IMPA2: variants seen among roughly 807,000 people sequenced by gnomAD.
The protein encoded by IMPA2 is inositol monophosphatase 2.
In IMPA2, 32 loss-of-function variants were observed where a neutral mutation model predicts 35.1. The ratio of observed to expected loss-of-function variants is 0.91; its 90% CI spans 0.69 to 1.23. The LOEUF is 1.23. Ranked by LOEUF, IMPA2 falls within the 50% of genes most tolerant of loss-of-function variation. The pLI is 0.00. For missense variants in IMPA2, 334 were observed against 387.6 expected (o/e 0.86, Z 1.16); for synonymous variants, 135 against 160.6 (o/e 0.84, Z 1.20).
chr18:12,013,882 A>G (rs972414076), intron 4 of IMPA2, among the ~76,000 whole-genome samples: 1 of 152,110 alleles, frequency 6.6e-6, no homozygotes, highest in Non-Finnish European at 1.5e-5. Context: ...AGCAATTTTG[A>G]GGATTTCTTG....
rs112286332 is a variant in IMPA2 at position 11,992,817 on chromosome 18, G to T, written c.97-6237G>T. Reference sequence around the variant, plus strand: ...GGGACCTTACCTGGCAACCCCATGTGCTCCCTCGCCCTGTGGACGTGATCC... The same window carrying T: ...GGGACCTTACCTGGCAACCCCATGTTCTCCCTCGCCCTGTGGACGTGATCC... On this transcript the variant is annotated intron_variant, in intron 1 of 7. Transcript: ENST00000269159. Among the ~76,000 whole-genome samples the T allele has an allele frequency of 2.5e-3, 383 of 152,274 alleles. 1 individual carries two copies. Among genetic ancestry groups the T allele is most frequent in the African/African-American group, 8.9e-3 (369 of 41,550 alleles).
At chr18:12,015,297 C>T (rs1907547550) in intron 5 of IMPA2, among the ~76,000 whole-genome samples, 1 of 152,230 alleles carries the variant, frequency 6.6e-6, no homozygotes, top group South Asian at 2.1e-4. Flanking sequence ...CCTGCCGCCT[C>T]CCCTCTTGAC....
chr18:12,026,649 A>G lies in IMPA2; in HGVS notation c.491-1394A>G, dbSNP rs1598706842. Among the ~76,000 whole-genome samples the G allele has an allele frequency of 2.6e-5, 4 of 152,144 alleles. 1 individual carries two copies. On this transcript the variant is annotated intron_variant, in intron 5 of 7. Transcript: ENST00000269159. ...CCACCCCCACCCCGGAAAAAATACC[A>G]TCTGTTTGTGGCCAGGTGAGGGTGG...
rs905703970 is a variant in IMPA2, at chr18:12,010,601, T to G, written c.335+614T>G. 2.0e-5 allele frequency among the ~76,000 whole-genome samples: 3 copies of G among 152,132 alleles called. No homozygotes were observed. Among genetic ancestry groups the G allele is most frequent in the Non-Finnish European group, 2.9e-5 (2 of 68,008 alleles). On this transcript the variant is annotated intron_variant, in intron 3 of 7. Coordinates refer to ENST00000269159, the MANE Select transcript of IMPA2 (RefSeq NM_014214.3). The surrounding 1 kb of genome is among the most constrained non-coding windows in gnomAD (Gnocchi z 4.8). Reference sequence around the variant, plus strand: ...TGCGCTGCCTGTCTACACGCACAGGTGGCTGGGGGCCTGGGGCACAGAGCA... The same window carrying G: ...TGCGCTGCCTGTCTACACGCACAGGGGGCTGGGGGCCTGGGGCACAGAGCA...
At chr18:12,011,927 A>G (rs1006091671) in intron 3 of IMPA2, among the ~76,000 whole-genome samples, 1 of 152,244 alleles carries the variant, frequency 6.6e-6, no homozygotes, top group Non-Finnish European at 1.5e-5. Flanking sequence ...GTTGAGTTAC[A>G]TCAGTCTTAT....
chr18:12,027,357 G>A lies in IMPA2; in HGVS notation c.491-686G>A, dbSNP rs548148635. ...ATAAACGGCAGGCCATGAATTCCAG[G>A]TGTCGGCACCCCCCTGCATCCAGAG... On this transcript the variant is annotated intron_variant, in intron 5 of 7. Coordinates refer to ENST00000269159, the MANE Select transcript of IMPA2 (RefSeq NM_014214.3). Among the ~76,000 whole-genome samples, 250 of 152,274 alleles carry A rather than the reference G, an allele frequency of 1.6e-3. 3 individuals carry two copies. The highest frequency in any genetic ancestry group is 0.015 in the South Asian group (70 of 4,818).
chr18:11,998,992 A>G, intron 1 of IMPA2, 62 bp from the exon 2 acceptor site: 1 of 1,270,204 alleles, frequency 7.9e-7, no homozygotes, highest in Non-Finnish European at 1.0e-6. Context: ...GGAGTGGATA[A>G]TTCCTTTGCC....
intron 3 of IMPA2, among the ~76,000 whole-genome samples, chr18:12,011,286 T>C (rs534879321): frequency 1.3e-5 from 2 of 152,302 alleles, no homozygotes; most frequent in South Asian, 2.1e-4. Flanking sequence ...ACGCTATAGC[T>C]GTGGTGATTG....
At chr18:12,008,390 C>G (rs1166180147) in intron 2 of IMPA2, 1 of 518,744 alleles carries the variant, frequency 1.9e-6, no homozygotes, top group Middle Eastern at 3.2e-4. Flanking sequence ...TAGAAAACCT[C>G]TCGGCAAGGC....
At chr18:12,022,554 T>C (rs1907761839) in intron 5 of IMPA2, among the ~76,000 whole-genome samples, 1 of 144,350 alleles carries the variant, frequency 6.9e-6, no homozygotes, top group African/African-American at 2.5e-5. Context: ...TATATATATA[T>C]ATTTGTGTGT....
At chr18:12,000,909 C>T (rs1478503602) in intron 2 of IMPA2, among the ~76,000 whole-genome samples, 2 of 150,888 alleles carry the variant, frequency 1.3e-5, no homozygotes, top group East Asian at 4.0e-4. Flanking sequence ...TCCACTACGC[C>T]CGGCCCCAGT....
chr18:11,995,860 GT>G (rs1906946053), intron 1 of IMPA2, among the ~76,000 whole-genome samples: 1 of 152,202 alleles, frequency 6.6e-6, no homozygotes, highest in South Asian at 2.1e-4. Flanking sequence ...CCCAATGTGT[GT>G]TTTATTCATT....
chr18:12,012,749 C>A (rs983704052), intron 4 of IMPA2, among the ~76,000 whole-genome samples: 2 of 152,156 alleles, frequency 1.3e-5, no homozygotes, highest in Non-Finnish European at 2.9e-5. Flanking sequence ...ATAATTCAAG[C>A]AGCAGCACTG....
At chr18:11,982,967 T>C (rs1906549922) in intron 1 of IMPA2, among the ~76,000 whole-genome samples, 1 of 152,180 alleles carries the variant, frequency 6.6e-6, no homozygotes, top group Admixed American at 6.5e-5. Flanking sequence ...AATCTTAAAT[T>C]TGAAGTGAGT....
Position 12,014,284 on chromosome 18 carries a change from A to T in IMPA2, c.401A>T (p.Tyr134Phe), listed in dbSNP as rs752654322. The change falls in exon 5 of 8, where the codon TAC (tyrosine) becomes TTC (phenylalanine). Residue 134 changes from tyrosine to phenylalanine, a missense_variant. Coordinates refer to ENST00000269159, the MANE Select transcript of IMPA2 (RefSeq NM_014214.3). Reference protein sequence around the residue: ...VRQELEFGVIYHCTEERLYTG... With the variant: ...VRQELEFGVIFHCTEERLYTG... ...CCACAGCTTGAATTCGGAGTGATTT[A>T]CCACTGCACAGAGGAGCGGCTGTAC... 6 of 1,613,804 alleles carry T rather than the reference A, an allele frequency of 3.7e-6. No homozygotes were observed. Among genetic ancestry groups the T allele is most frequent in the Non-Finnish European group, 5.1e-6 (6 of 1,179,858 alleles).
chr18:12,029,809 A>G (rs1424651041), intron 7 of IMPA2, among the ~76,000 whole-genome samples: 1 of 152,190 alleles, frequency 6.6e-6, no homozygotes, highest in Non-Finnish European at 1.5e-5. Flanking sequence ...TCTCCAGCCC[A>G]TGCATCCAGA....
At chr18:12,021,022 T>TG (rs1907714448) in intron 5 of IMPA2, among the ~76,000 whole-genome samples, 2 of 138,450 alleles carry the variant, frequency 1.4e-5, no homozygotes, top group African/African-American at 5.2e-5. Context: ...AGGGCGGGGG[T>TG]GGGGGCTCCA....
At chr18:11,986,657 C>A (rs16976887) in intron 1 of IMPA2, among the ~76,000 whole-genome samples, 19,595 of 152,172 alleles carry the variant, frequency 0.13, 1,590 homozygotes, top group East Asian at 0.28. Flanking sequence ...TAATGAGTGA[C>A]GTAACACTGA....
At chr18:12,012,149 C>A (rs1006039469) in intron 3 of IMPA2, 21 bp from the exon 4 acceptor site, 2 of 1,613,504 alleles carry the variant, frequency 1.2e-6, no homozygotes, top group African/African-American at 1.3e-5. Context: ...AGAGAGTAAA[C>A]CTTTCTATTT....
Sources: allele counts gnomAD v4.1 joint callset (sites outside exome capture counted in the v4.1 genomes callset), GRCh38; gene constraint gnomAD v4.1.1; non-coding constraint Gnocchi (gnomAD v3.1); transcripts MANE v1.5; gene names NCBI Gene and HGNC (gene_info 2026-07-23, HGNC 2026-07-21).